DNAI3: variants seen among roughly 807,000 people sequenced by gnomAD.
DNAI3 encodes the protein WD repeat domain 63.
A neutral mutation model predicts 115.5 loss-of-function variants in DNAI3; 83 were observed. That is an observed-to-expected ratio of 0.72 (90% CI 0.60 to 0.86). The LOEUF (loss-of-function observed/expected upper bound fraction) is 0.86, where lower values mean the gene tolerates loss of function less well. Ranked by LOEUF, DNAI3 falls within the 40% of genes least tolerant of loss-of-function variation. The pLI is 0.00. For synonymous variants in DNAI3, 320 were observed against 347.0 expected (o/e 0.92, Z 0.86); for missense variants, 1,004 against 1,075.8 (o/e 0.93, Z 0.93).
chr1:85,079,825 C>G (rs1477580542), intron 3 of DNAI3, among the ~76,000 whole-genome samples: 1 of 152,040 alleles, frequency 6.6e-6, no homozygotes, highest in African/African-American at 2.4e-5. Context: ...CCTCTCCTCT[C>G]TCCTGAGAGC....
chr1:85,090,923 T>C (rs934523846), intron 8 of DNAI3, among the ~76,000 whole-genome samples: 6 of 152,338 alleles, frequency 3.9e-5, no homozygotes, highest in East Asian at 1.9e-4. Flanking sequence ...AATTAAAAAC[T>C]TGGTGGTCAA....
chr1:85,121,622 A>C (rs1655996961), intron 17 of DNAI3, 129 bp from the exon 18 acceptor site: 2 of 808,228 alleles, frequency 2.5e-6, no homozygotes, highest in African/African-American at 3.5e-5. Context: ...CACTGGATCA[A>C]ATTACTTGAT....
intron 14 of DNAI3, among the ~76,000 whole-genome samples, chr1:85,105,469 T>C (rs1477270968): frequency 6.9e-6 from 1 of 144,462 alleles, no homozygotes; most frequent in Non-Finnish European, 1.5e-5. Context: ...ATAGAAAATA[T>C]GAGGTGCGAG....
intron 16 of DNAI3, among the ~76,000 whole-genome samples, chr1:85,117,012 G>T (rs1655843102): frequency 6.6e-6 from 1 of 152,084 alleles, no homozygotes; most frequent in East Asian, 1.9e-4. Context: ...TTGTCTGTTT[G>T]TTGGTTGGTT....
chr1:85,067,683 G>A (rs574794104), intron 1 of DNAI3, among the ~76,000 whole-genome samples: 18 of 152,316 alleles, frequency 1.2e-4, no homozygotes, highest in Admixed American at 9.1e-4. Flanking sequence ...TAGGCCCAGT[G>A]TAGTCACAAG....
At chr1:85,112,829 G>A (rs1284038525) in intron 16 of DNAI3, among the ~76,000 whole-genome samples, 1 of 152,208 alleles carries the variant, frequency 6.6e-6, no homozygotes, top group South Asian at 2.1e-4. Context: ...GAGTGCAGTA[G>A]CATGGTCTCG....
chr1:85,124,117 A>G lies in DNAI3; in HGVS notation c.1982-4A>G, dbSNP rs767405392. ...GATGAGATGGTCTTCTTTCACTCCA[A>G]TAGCAAAGAAGCCAGTGAGCCACCA... On this transcript the variant is annotated splice_polypyrimidine_tract_variant and splice_region_variant and intron_variant, in intron 18 of 22. Coordinates refer to ENST00000294664, the MANE Select transcript of DNAI3 (RefSeq NM_145172.5). The G allele has an allele frequency of 1.9e-5, 30 of 1,613,984 alleles. No homozygotes were observed. The African/African-American group carries it at 2.3e-4, about 12-fold the overall frequency.
intron 16 of DNAI3, 31 bp from the exon 17 acceptor site, chr1:85,117,698 T>G: frequency 6.2e-7 from 1 of 1,605,380 alleles, no homozygotes; most frequent in Non-Finnish European, 8.5e-7. Flanking sequence ...CCTGTAAATA[T>G]GTACTTCTTC....
chr1:85,100,244 A>G (rs1019121096), intron 13 of DNAI3, among the ~76,000 whole-genome samples: 2 of 152,256 alleles, frequency 1.3e-5, no homozygotes, highest in Non-Finnish European at 2.9e-5. Context: ...GCTACTATCC[A>G]GAATCTACAA....
At chr1:85,073,269 G>A (rs903373151) in intron 3 of DNAI3, among the ~76,000 whole-genome samples, 177 bp downstream of exon 3, 2 of 152,122 alleles carry the variant, frequency 1.3e-5, no homozygotes, top group Non-Finnish European at 2.9e-5. Context: ...AATAGAAGTA[G>A]AGAATTTCAA....
chr1:85,102,505 A>C (rs1392481306), intron 13 of DNAI3, among the ~76,000 whole-genome samples: 1 of 152,216 alleles, frequency 6.6e-6, no homozygotes, highest in Non-Finnish European at 1.5e-5. Flanking sequence ...ATATCAAAGA[A>C]ATTAATAGTA....
At chr1:85,071,196 T>C (rs4907130) in intron 1 of DNAI3, among the ~76,000 whole-genome samples, 124,889 of 152,188 alleles carry the variant, frequency 0.82, 52,021 homozygotes, top group South Asian at 0.9. Flanking sequence ...TGCCCAAGGT[T>C]ACTCAGCTGG....
At chr1:85,077,331 G>A (rs1466696922) in intron 3 of DNAI3, among the ~76,000 whole-genome samples, 1 of 152,066 alleles carries the variant, frequency 6.6e-6, no homozygotes, top group South Asian at 2.1e-4. Context: ...AGACCTAAAG[G>A]TAAAACCAAA....
intron 8 of DNAI3, among the ~76,000 whole-genome samples, chr1:85,091,149 T>C (rs1654960821): frequency 6.6e-6 from 1 of 152,150 alleles, no homozygotes; most frequent in African/African-American, 2.4e-5. Context: ...GGCAATGAGA[T>C]AGAAACAAGA....
chr1:85,116,609 A>T (rs1390451181), intron 16 of DNAI3, among the ~76,000 whole-genome samples: 4 of 152,230 alleles, frequency 2.6e-5, no homozygotes, highest in African/African-American at 9.6e-5. Context: ...TGAAATAAAT[A>T]TTTTAATGAT....
intron 16 of DNAI3, among the ~76,000 whole-genome samples, chr1:85,111,087 C>T (rs1460992331): frequency 6.6e-6 from 1 of 152,126 alleles, no homozygotes; most frequent in South Asian, 2.1e-4. Context: ...CCCAAACATT[C>T]GCCTTATCAA....
At position 85,126,760 on chromosome 1, in the gene DNAI3, CG is replaced by C. The variant is rs767779303; in HGVS notation, c.2317+48del. 2.5e-6 allele frequency: 4 copies of C among 1,604,304 alleles called. No individual in the cohort carries two copies. The African/African-American group carries it at 4.0e-5, about 16-fold the overall frequency. ...ATAAGCTAAGTCATTTTGGGTAACT[CG>C]GGAACATCTTGACATTCATCTGAAA... On this transcript the variant is annotated intron_variant, in intron 20 of 22. Transcript: ENST00000294664.
At position 85,124,137 on chromosome 1, in the gene DNAI3, C is replaced by T. The variant is rs779886016; in HGVS notation, c.1998C>T (p.Ser666=). The change falls in exon 19 of 23, where the codon AGC becomes AGT. Residue 666 remains serine, a synonymous_variant. Transcript: ENST00000294664. ...CTCCAATAGCAAAGAAGCCAGTGAG[C>T]CACCACACCATTCACGACGGAACTG... ...TGRLMSKKPV[S]HHTIHDGTVH... The T allele has an allele frequency of 6.2e-7, 1 of 1,614,136 alleles. No homozygotes were observed. Among genetic ancestry groups the T allele is most frequent in the African/African-American group, 1.3e-5 (1 of 75,052 alleles).
chr1:85,105,312 G>A (rs980577853), intron 14 of DNAI3, among the ~76,000 whole-genome samples: 18 of 152,122 alleles, frequency 1.2e-4, no homozygotes, highest in Admixed American at 1.2e-3. Context: ...GTGACTACAG[G>A]CAATGAGAAT....
Sources: allele counts gnomAD v4.1 joint callset (sites outside exome capture counted in the v4.1 genomes callset), GRCh38; gene constraint gnomAD v4.1.1; transcripts MANE v1.5; gene names NCBI Gene and HGNC (gene_info 2026-07-23, HGNC 2026-07-21).